Variants in CREB5 observed in about 807,000 individuals in gnomAD.
CREB5 encodes cyclic AMP-responsive element-binding protein 5.
CREB5 carries 19 observed loss-of-function variants against 57.1 expected under a neutral mutation model. The ratio of observed to expected loss-of-function variants is 0.33; its 90% CI spans 0.23 to 0.49. The LOEUF is 0.49. CREB5 is among the 20% of genes least tolerant of loss of function. CREB5 has a pLI of 0.99. For synonymous variants in CREB5, 238 were observed against 238.3 expected, an observed-to-expected ratio of 1.00 and a Z score of 0.01; for missense variants, 579 against 671.6, an observed-to-expected ratio of 0.86 and a Z score of 1.52.
intron 1 of CREB5, among the ~76,000 whole-genome samples, chr7:28,379,118 G>A (rs1446972507): frequency 6.6e-6 from 1 of 152,214 alleles, no homozygotes; most frequent in Non-Finnish European, 1.5e-5. Context: ...TGGAACAATT[G>A]TCTTGATAAA....
At chr7:28,366,991 G>A (rs1243012315) in intron 1 of CREB5, among the ~76,000 whole-genome samples, 7 of 152,024 alleles carry the variant, frequency 4.6e-5, no homozygotes, top group African/African-American at 1.7e-4. Context: ...TACATAAGAA[G>A]TTGAAGATCT....
At chr7:28,726,123 T>A (rs1803322749) in intron 7 of CREB5, among the ~76,000 whole-genome samples, 1 of 152,074 alleles carries the variant, frequency 6.6e-6, no homozygotes, top group African/African-American at 2.4e-5. Context: ...ACCCCACAAA[T>A]GTTTGTTGGG....
intron 5 of CREB5, among the ~76,000 whole-genome samples, chr7:28,696,771 C>CAT (rs905772165): frequency 4.6e-5 from 7 of 151,146 alleles, no homozygotes; most frequent in African/African-American, 1.5e-4. Flanking sequence ...CACACATATA[C>CAT]ATATATATAC....
chr7:28,458,029 T>C (rs1401708667), intron 1 of CREB5, among the ~76,000 whole-genome samples: 1 of 151,964 alleles, frequency 6.6e-6, no homozygotes, highest in Non-Finnish European at 1.5e-5. Context: ...CAGGGCCCTA[T>C]CCCCCATAAG....
chr7:28,632,271 C>T (rs1798233600), intron 5 of CREB5, among the ~76,000 whole-genome samples: 1 of 152,168 alleles, frequency 6.6e-6, no homozygotes, highest in Non-Finnish European at 1.5e-5. Context: ...AACAGAACTT[C>T]CTCCCTCTCT....
chr7:28,475,972 G>A (rs930280848), intron 1 of CREB5, among the ~76,000 whole-genome samples: 15 of 152,130 alleles, frequency 9.9e-5, no homozygotes, highest in South Asian at 2.1e-4. Context: ...TATTAAACCC[G>A]TCTTAGTCTG....
At chr7:28,556,654 A>G (rs899102124) in intron 4 of CREB5, among the ~76,000 whole-genome samples, 5 of 152,106 alleles carry the variant, frequency 3.3e-5, no homozygotes, top group Non-Finnish European at 7.4e-5. Context: ...ATGAACACAT[A>G]ATTGTACTGG....
chr7:28,807,392 T>G (rs544083983), intron 8 of CREB5, among the ~76,000 whole-genome samples: 1 of 152,160 alleles, frequency 6.6e-6, no homozygotes, highest in Non-Finnish European at 1.5e-5. Context: ...AAGGTTGCAG[T>G]GAACCGAAAT....
chr7:28,715,449 C>A (rs1802634210), intron 5 of CREB5, among the ~76,000 whole-genome samples: 1 of 151,986 alleles, frequency 6.6e-6, no homozygotes, highest in Admixed American at 6.6e-5. Flanking sequence ...TATTTAAGTG[C>A]AATAGAAAAA....
chr7:28,589,108 C>G (rs1796401597), intron 5 of CREB5, among the ~76,000 whole-genome samples: 1 of 152,166 alleles, frequency 6.6e-6, no homozygotes, highest in Admixed American at 6.6e-5. Context: ...TATTCGCCAC[C>G]TAACATTCTA....
intron 1 of CREB5, among the ~76,000 whole-genome samples, chr7:28,359,203 C>A (rs1194088843): frequency 7.1e-6 from 1 of 140,536 alleles, no homozygotes; most frequent in Non-Finnish European, 1.5e-5. Flanking sequence ...CCCAAAAAAG[C>A]GAATACACAC....
intron 5 of CREB5, among the ~76,000 whole-genome samples, chr7:28,659,996 C>T (rs1293933465): frequency 6.6e-6 from 1 of 152,140 alleles, no homozygotes; most frequent in Non-Finnish European, 1.5e-5. Context: ...TTCCCCAGGT[C>T]CCTCAGCTAC....
intron 8 of CREB5, among the ~76,000 whole-genome samples, chr7:28,805,185 A>G (rs1474429002): frequency 6.6e-6 from 1 of 152,208 alleles, no homozygotes; most frequent in Non-Finnish European, 1.5e-5. Flanking sequence ...GAGAAAGGCC[A>G]AATCCCAGTG....
intron 7 of CREB5, among the ~76,000 whole-genome samples, chr7:28,743,845 T>TTC (rs1804528358): frequency 7.0e-6 from 1 of 142,818 alleles, no homozygotes; most frequent in African/African-American, 2.6e-5. Context: ...TTTCTTTTTT[T>TTC]TTTTTTTTTT....
intron 1 of CREB5, among the ~76,000 whole-genome samples, chr7:28,386,134 G>A (rs548465573): frequency 7.2e-5 from 11 of 151,908 alleles, no homozygotes; most frequent in East Asian, 1.9e-4. Flanking sequence ...CTACTTATTC[G>A]CATTTTCTTT....
chr7:28,348,361 C>T (rs1001528619), intron 1 of CREB5, among the ~76,000 whole-genome samples: 13 of 150,408 alleles, frequency 8.6e-5, no homozygotes, highest in African/African-American at 2.0e-4. Context: ...GATCAACATG[C>T]GCCTGCTTTC....
intron 1 of CREB5, among the ~76,000 whole-genome samples, chr7:28,469,402 G>A (rs544455996): frequency 6.6e-6 from 1 of 152,052 alleles, no homozygotes; most frequent in Non-Finnish European, 1.5e-5. Flanking sequence ...AATTAGCTGG[G>A]GCAATTAAGA....
chr7:28,765,358 T>G (rs549832055), intron 7 of CREB5, among the ~76,000 whole-genome samples: 67 of 152,354 alleles, frequency 4.4e-4, no homozygotes, highest in African/African-American at 1.5e-3. Flanking sequence ...TCCAGCACTT[T>G]AAAATGTGAA....
chr7:28,582,250 G>A (rs1486052616), intron 5 of CREB5, among the ~76,000 whole-genome samples: 2 of 151,990 alleles, frequency 1.3e-5, no homozygotes, highest in African/African-American at 2.4e-5. Flanking sequence ...CTGCTTTTTC[G>A]TTTTTCATTT....
Sources: gnomAD v4.1 joint callset for allele counts (sites outside exome capture counted in the v4.1 genomes callset) on GRCh38, gnomAD v4.1.1 for gene constraint, MANE v1.5 for transcripts, NCBI Gene and HGNC (gene_info 2026-07-23, HGNC 2026-07-21) for gene names.